Variants in METTL24 observed in about 807,000 individuals in gnomAD.
METTL24 encodes the protein methyltransferase like 24, also known as probable methyltransferase-like protein 24.
A neutral mutation model predicts 32.7 loss-of-function variants in METTL24; 29 were observed. The ratio of observed to expected loss-of-function variants is 0.89; its 90% confidence interval spans 0.66 to 1.21. METTL24 has a LOEUF of 1.21. Ranked by LOEUF, METTL24 falls within the 50% of genes most tolerant of loss-of-function variation. The probability of loss-of-function intolerance (pLI) is 0.00; values close to 1 mark genes in which losing one functional copy is unlikely to be tolerated. For synonymous variants in METTL24, 163 were observed against 179.5 expected (o/e 0.91, Z 0.73); for missense variants, 439 against 468.1 (o/e 0.94, Z 0.57).
chr6:110,308,949 T>C (rs2114741364), intron 3 of METTL24, among the ~76,000 whole-genome samples: 1 of 152,174 alleles, frequency 6.6e-6, no homozygotes, highest in South Asian at 2.1e-4. Flanking sequence ...GATGGCAGAC[T>C]GGGGATGGAG....
At chr6:110,264,358 G>A (rs1484654382) in intron 4 of METTL24, among the ~76,000 whole-genome samples, 4 of 152,054 alleles carry the variant, frequency 2.6e-5, no homozygotes, top group Admixed American at 2.6e-4. Context: ...GCAGCCAAAA[G>A]ACACATGAAA....
At chr6:110,343,145 T>C (rs1405797003) in intron 1 of METTL24, among the ~76,000 whole-genome samples, 3 of 152,118 alleles carry the variant, frequency 2.0e-5, no homozygotes, top group East Asian at 3.8e-4. Context: ...CCCATTTCCA[T>C]GGCAGATAGA....
intron 1 of METTL24, among the ~76,000 whole-genome samples, chr6:110,349,392 A>G (rs1265773677): frequency 1.3e-5 from 2 of 152,206 alleles, no homozygotes; most frequent in African/African-American, 2.4e-5. Flanking sequence ...TCACACTGCT[A>G]GCATGGGGTC....
chr6:110,251,939 T>G (rs1778287332), intron 4 of METTL24, among the ~76,000 whole-genome samples: 1 of 152,176 alleles, frequency 6.6e-6, no homozygotes, highest in African/African-American at 2.4e-5. Context: ...AGGCCAGGAT[T>G]TCGAGACCAG....
chr6:110,355,379 C>G (rs183332708), intron 1 of METTL24, among the ~76,000 whole-genome samples: 213 of 152,264 alleles, frequency 1.4e-3, no homozygotes, highest in African/African-American at 5.1e-3. Context: ...CTGGCTGAGG[C>G]TAAAAACCTG....
intron 1 of METTL24, among the ~76,000 whole-genome samples, chr6:110,351,169 C>T (rs1391151766): frequency 6.6e-6 from 1 of 152,054 alleles, no homozygotes; most frequent in Non-Finnish European, 1.5e-5. Context: ...ACACTGCACT[C>T]CAGCCTGGGC....
rs140567096 is a variant in METTL24, at chr6:110,285,079, A to G, written c.786+13843T>C. Among the ~76,000 whole-genome samples, 528 of 152,348 alleles carry G rather than the reference A, an allele frequency of 3.5e-3. 4 individuals are homozygous for G. Among genetic ancestry groups the G allele is most frequent in the African/African-American group, 0.012 (498 of 41,590 alleles). On this transcript the variant is annotated intron_variant, in intron 4 of 4. Coordinates refer to ENST00000338882, the MANE Select transcript of METTL24 (RefSeq NM_001123364.3). Reference sequence around the variant, plus strand: ...GTGCAGGCATGTGCTATAAAACTAAATTGACATCTGTTAGCAGGCTTGTCA... The same window carrying G: ...GTGCAGGCATGTGCTATAAAACTAAGTTGACATCTGTTAGCAGGCTTGTCA...
Position 110,311,705 on chromosome 6 carries a change from C to A in METTL24, c.557+3637G>T, listed in dbSNP as rs577596621. 2.6e-5 allele frequency among the ~76,000 whole-genome samples: 4 copies of A among 152,182 alleles called. No homozygotes were observed. The South Asian group carries it at 8.3e-4, about 32-fold the overall frequency. On this transcript the variant is annotated intron_variant, in intron 3 of 4. Coordinates refer to ENST00000338882, the MANE Select transcript of METTL24 (RefSeq NM_001123364.3). ...GCCAGGCTTGTCTCGAACTCCTGAC[C>A]TCAAGTGATCTGCCTGCCTCAGCCT... is the stretch of plus-strand genomic sequence containing the variant.
At chr6:110,353,573 C>T (rs1383045076) in intron 1 of METTL24, among the ~76,000 whole-genome samples, 1 of 146,150 alleles carries the variant, frequency 6.8e-6, no homozygotes, top group Non-Finnish European at 1.5e-5. Flanking sequence ...TTTTTTCCGC[C>T]TGACACATGG....
In METTL24 at chr6:110,299,059, T is replaced by C. The variant is rs1400839022; in HGVS notation, c.649A>G (p.Ile217Val). The part of the protein sequence containing the change: ...RFDPSVKSAH[I>V]LESQHLWYHR... Reference sequence around the variant, plus strand: ...TACCAAAGGTGCTGACTCTCCAGAATGTGAGCTGACTTGACACTAGGATCA... The same window carrying C: ...TACCAAAGGTGCTGACTCTCCAGAACGTGAGCTGACTTGACACTAGGATCA... Residue 217 changes from isoleucine to valine, a missense_variant, in exon 4 of 5, where the codon ATT (isoleucine) becomes GTT (valine). Physicochemically the swap from Ile to Val is conservative, Grantham distance 29. Transcript: ENST00000338882. 1.2e-6 allele frequency: 2 copies of C among 1,614,090 alleles called. No individual in the cohort carries two copies. Among genetic ancestry groups the C allele is most frequent in the African/African-American group, 1.3e-5 (1 of 74,938 alleles).
chr6:110,323,255 C>T (rs553697429), intron 1 of METTL24, among the ~76,000 whole-genome samples: 111 of 152,346 alleles, frequency 7.3e-4, no homozygotes, highest in African/African-American at 2.6e-3. Context: ...CGACAGTCTC[C>T]CAAAGCTTAG....
At chr6:110,305,404 G>A (rs1771608934) in intron 3 of METTL24, among the ~76,000 whole-genome samples, 1 of 151,498 alleles carries the variant, frequency 6.6e-6, no homozygotes. Context: ...TACAGAATGG[G>A]AAAAAAAATT....
At chr6:110,302,459 A>G (rs1771534621) in intron 3 of METTL24, among the ~76,000 whole-genome samples, 1 of 101,886 alleles carries the variant, frequency 9.8e-6, no homozygotes, top group Non-Finnish European at 2.0e-5. Context: ...ACATATACAC[A>G]CATATGTGTA....
chr6:110,310,734 T>G (rs1771706836), intron 3 of METTL24, among the ~76,000 whole-genome samples: 2 of 152,218 alleles, frequency 1.3e-5, no homozygotes, highest in Admixed American at 1.3e-4. Flanking sequence ...CTTTGACTCC[T>G]AGTAAATAAA....
At position 110,352,352 on chromosome 6, in the gene METTL24, T is replaced by G. The variant is rs559293037; in HGVS notation, c.318+5603A>C. Among the ~76,000 whole-genome samples the G allele has an allele frequency of 3.9e-4, 60 of 152,342 alleles. No homozygotes were observed. In the South Asian group the frequency reaches 0.012, roughly 30 times the overall value. On this transcript the variant is annotated intron_variant, in intron 1 of 4. Coordinates refer to ENST00000338882, the MANE Select transcript of METTL24 (RefSeq NM_001123364.3). ...GAGGTAAATGGAGAGAATGGTGAGC[T>G]GGACCTCACTGGACTCACTATATGC...
chr6:110,325,428 C>T (rs973358393), intron 1 of METTL24, among the ~76,000 whole-genome samples: 6 of 152,296 alleles, frequency 3.9e-5, no homozygotes, highest in African/African-American at 1.4e-4. Flanking sequence ...TCCATTTACA[C>T]AAACAGGCAG....
chr6:110,289,125 C>A (rs1034473005), intron 4 of METTL24, among the ~76,000 whole-genome samples: 1 of 152,072 alleles, frequency 6.6e-6, no homozygotes, highest in East Asian at 1.9e-4. Context: ...AGTCACTAGG[C>A]AGAGAAGGGC....
At chr6:110,321,366 A>G (rs1166839475) in intron 2 of METTL24, among the ~76,000 whole-genome samples, 1 of 152,266 alleles carries the variant, frequency 6.6e-6, no homozygotes, top group Non-Finnish European at 1.5e-5. Flanking sequence ...CATGCCTTTT[A>G]TAAGTTATGG....
chr6:110,308,555 C>T (rs952533041), intron 3 of METTL24, among the ~76,000 whole-genome samples: 4 of 152,050 alleles, frequency 2.6e-5, no homozygotes, highest in African/African-American at 9.7e-5. Context: ...AATTGGAAAC[C>T]TCATAGATTA....
Sources: allele counts gnomAD v4.1 joint callset (sites outside exome capture counted in the v4.1 genomes callset), GRCh38; gene constraint gnomAD v4.1.1; transcripts MANE v1.5; gene names NCBI Gene and HGNC (gene_info 2026-07-23, HGNC 2026-07-21).